The following PEX5 variants were observed in gnomAD, a reference collection of about 807,000 sequenced individuals.
PEX5 encodes peroxisomal biogenesis factor 5.
A neutral mutation model predicts 82.9 loss-of-function variants in PEX5; 52 were observed. The observed-to-expected ratio is 0.63, with a 90% CI of 0.50 to 0.79. PEX5 has a LOEUF of 0.79. PEX5 is among the 30% of genes least tolerant of loss of function. PEX5 has a pLI of 0.00. For missense variants in PEX5, 719 were observed against 815.2 expected, an observed-to-expected ratio of 0.88 and a Z score of 1.44; for synonymous variants, 300 against 318.8, an observed-to-expected ratio of 0.94 and a Z score of 0.63.
chr12:7,207,039 T>C (rs908974596), intron 10 of PEX5, among the ~76,000 whole-genome samples: 1 of 152,222 alleles, frequency 6.6e-6, no homozygotes, highest in Non-Finnish European at 1.5e-5. Flanking sequence ...TTCTGAAGTA[T>C]TCTCTGCCAT....
At chr12:7,199,828 G>A (rs1485000637) in intron 6 of PEX5, among the ~76,000 whole-genome samples, 12 of 138,140 alleles carry the variant, frequency 8.7e-5, no homozygotes, top group African/African-American at 2.7e-4. Context: ...CTGGCCGGGC[G>A]GGGGGCTGAC....
intron 17 of PEX5, among the ~76,000 whole-genome samples, chr12:7,217,692 G>A (rs1945817211): frequency 1.3e-5 from 2 of 152,350 alleles, no homozygotes; most frequent in African/African-American, 4.8e-5. Context: ...AACTGGGGCC[G>A]CCTGTCCCTG....
chr12:7,207,891 G>C, intron 11 of PEX5, 89 bp downstream of exon 11: 1 of 1,552,110 alleles, frequency 6.4e-7, no homozygotes, highest in Non-Finnish European at 8.9e-7. Context: ...GATGGGTTAG[G>C]GCCTGGGTGA....
chr12:7,209,883 C>A (rs146526563), intron 15 of PEX5, 43 bp downstream of exon 15: 1 of 1,611,538 alleles, frequency 6.2e-7, no homozygotes, highest in Non-Finnish European at 8.5e-7. Flanking sequence ...GCTTTTTCTC[C>A]CTGCCTTTGG....
chr12:7,198,733 T>G (rs1187839284), intron 5 of PEX5, among the ~76,000 whole-genome samples: 1 of 152,132 alleles, frequency 6.6e-6, no homozygotes, highest in African/African-American at 2.4e-5. Flanking sequence ...AGAAAAAGAG[T>G]TTGGTTCTTA....
chr12:7,216,277 T>G (rs1945777010), downstream of PEX5, among the ~76,000 whole-genome samples: 1 of 152,186 alleles, frequency 6.6e-6, no homozygotes, highest in Admixed American at 6.5e-5. Flanking sequence ...CCAAATTCCT[T>G]AAACACTCAC....
At chr12:7,189,642 A>T (rs1249782264), upstream of PEX5, 1 of 325,766 alleles carries the variant, frequency 3.1e-6, no homozygotes, top group Non-Finnish European at 5.5e-6. Context: ...CGGGGCGGTC[A>T]CGGCCCCTTT....
chr12:7,214,368 A>G (rs1056680053), downstream of PEX5, among the ~76,000 whole-genome samples: 9 of 151,944 alleles, frequency 5.9e-5, no homozygotes, highest in African/African-American at 2.2e-4. Flanking sequence ...GCACATATAC[A>G]CCATGGAATA....
In PEX5 at chr12:7,210,632, C is replaced by T; in HGVS notation, c.*409C>T. 1 of 337,304 alleles carries T rather than the reference C, an allele frequency of 3.0e-6. No individual in the cohort carries two copies. The highest frequency in any genetic ancestry group is 5.8e-6 in the Non-Finnish European group (1 of 173,632). The allele number at this position is 337,304 out of a possible 1,614,324, so 20.9% of individuals were successfully genotyped here. A position where few individuals can be genotyped will look rare whatever the true frequency, so the allele number is the denominator to read the frequency against. On this transcript the variant is annotated 3_prime_UTR_variant, in exon 16 of 16. Coordinates refer to ENST00000675855, the MANE Select transcript of PEX5 (RefSeq NM_001351132.2). ...GAATTGATAGTCCAGCTTCCTTGGG[C>T]AGTGTAAGTAGGAGGTTCATCTGCT...
chr12:7,193,556 C>A (rs1196368685), intron 5 of PEX5, among the ~76,000 whole-genome samples: 2 of 152,100 alleles, frequency 1.3e-5, no homozygotes, highest in African/African-American at 4.8e-5. Flanking sequence ...TGTGAAATTG[C>A]CGCAAGTTAA....
chr12:7,201,364 G>A (rs967358717), intron 6 of PEX5, among the ~76,000 whole-genome samples: 1 of 151,818 alleles, frequency 6.6e-6, no homozygotes, highest in Non-Finnish European at 1.5e-5. Flanking sequence ...CTATATTTGG[G>A]AGGAAGGGAG....
At chr12:7,202,736 C>G (rs770325441) in intron 9 of PEX5, 32 bp downstream of exon 9, 2 of 1,417,224 alleles carry the variant, frequency 1.4e-6, no homozygotes, top group Non-Finnish European at 1.0e-6. Flanking sequence ...GCAGACACCC[C>G]AAAAGAAAAC....
intron 6 of PEX5, among the ~76,000 whole-genome samples, chr12:7,201,246 T>C (rs963010172): frequency 9.9e-5 from 15 of 151,150 alleles, no homozygotes; most frequent in African/African-American, 2.9e-4. Context: ...TATGTAAACA[T>C]GTAGATACAT....
chr12:7,204,940 C>T (rs1232675148), intron 10 of PEX5, among the ~76,000 whole-genome samples: 2 of 151,684 alleles, frequency 1.3e-5, no homozygotes, highest in African/African-American at 2.4e-5. Flanking sequence ...ATAGTCTTTT[C>T]GATAAATGGT....
Position 7,199,964 on chromosome 12 carries a change from C to T in PEX5, c.551+851C>T, listed in dbSNP as rs761815228. 1.5e-4 allele frequency among the ~76,000 whole-genome samples: 18 copies of T among 121,874 alleles called. 1 individual carries two copies. In the South Asian group the frequency reaches 4.2e-3, roughly 28 times the overall value. 80.0% of individuals were successfully genotyped at this position (121,874 alleles called of 152,430 possible). ...CTCCCTCCTGGACGGGGCGGCTGGC[C>T]GGGCGGGGGGCTGACCCCCCGCCTC... is the stretch of plus-strand genomic sequence containing the variant. On this transcript the variant is annotated intron_variant, in intron 6 of 15. Coordinates refer to ENST00000675855, the MANE Select transcript of PEX5 (RefSeq NM_001351132.2).
chr12:7,209,823 C>T lies in PEX5; in HGVS notation c.1701C>T (p.Ile567=), dbSNP rs369936323. 1.9e-6 allele frequency: 3 copies of T among 1,614,232 alleles called. No homozygotes were observed. The African/African-American group carries it at 4.0e-5, about 22-fold the overall frequency. ...GCTATAACCTGGGCATCAGCTGCAT[C>T]AACCTCGGGGCTCACCGGTGAGAGT... The part of the protein sequence containing the change: ...RSRYNLGISC[I]NLGAHREAVE... The change falls in exon 15 of 16, where the codon ATC becomes ATT. Residue 567 remains isoleucine (I), a synonymous_variant. Coordinates refer to ENST00000675855, the MANE Select transcript of PEX5 (RefSeq NM_001351132.2).
chr12:7,212,526 G>A (rs1302130535), downstream of PEX5, among the ~76,000 whole-genome samples: 1 of 150,126 alleles, frequency 6.7e-6, no homozygotes, highest in East Asian at 1.9e-4. Flanking sequence ...AAGACAACTG[G>A]GTAAGTAAAT....
At chr12:7,214,672 T>A (rs1945726250), downstream of PEX5, among the ~76,000 whole-genome samples, 1 of 151,188 alleles carries the variant, frequency 6.6e-6, no homozygotes, top group African/African-American at 2.4e-5. Flanking sequence ...CATATGTAAC[T>A]AACCTGCACA....
chr12:7,199,206 A>ATTC, intron 6 of PEX5, 93 bp downstream of exon 6: 1 of 459,372 alleles, frequency 2.2e-6, no homozygotes. Context: ...AACTTACTTT[A>ATTC]TTCTTTTTTT....
Sources: allele counts gnomAD v4.1 joint callset (sites outside exome capture counted in the v4.1 genomes callset), GRCh38; gene constraint gnomAD v4.1.1; transcripts MANE v1.5; gene names NCBI Gene and HGNC (gene_info 2026-07-23, HGNC 2026-07-21).